The following MICU1 variants were observed in gnomAD, a reference collection of about 807,000 sequenced individuals.
MICU1 encodes the protein mitochondrial calcium uptake 1, also known as calcium uptake protein 1, mitochondrial.
Under a neutral mutation model 56.8 loss-of-function variants are expected in MICU1, and 45 were observed. The ratio of observed to expected loss-of-function variants is 0.79; its 90% CI spans 0.62 to 1.02. MICU1 has a LOEUF of 1.02. Ranked by LOEUF, MICU1 falls within the 50% of genes least tolerant of loss-of-function variation. MICU1 has a pLI of 0.00. For synonymous variants in MICU1, 186 were observed against 195.1 expected (o/e 0.95, Z 0.39); for missense variants, 504 against 587.1 (o/e 0.86, Z 1.46).
chr10:72,402,025 T>C (rs1446433686), intron 10 of MICU1, among the ~76,000 whole-genome samples: 1 of 152,162 alleles, frequency 6.6e-6, no homozygotes, highest in South Asian at 2.1e-4. Flanking sequence ...GATTGTTCTA[T>C]ATCTTCCCCA....
chr10:72,513,532 C>T (rs1264437847), intron 5 of MICU1, among the ~76,000 whole-genome samples: 2 of 152,230 alleles, frequency 1.3e-5, no homozygotes, highest in East Asian at 1.9e-4. Context: ...TGATAATGTC[C>T]TATGAAGCAG....
intron 3 of MICU1, among the ~76,000 whole-genome samples, chr10:72,557,440 T>C (rs1840186303): frequency 6.6e-6 from 1 of 152,112 alleles, no homozygotes; most frequent in African/African-American, 2.4e-5. Flanking sequence ...ACTAGCAATC[T>C]CCACCACAGT....
intron 5 of MICU1, among the ~76,000 whole-genome samples, chr10:72,515,737 T>C (rs963749769): frequency 6.6e-6 from 1 of 152,236 alleles, no homozygotes; most frequent in Admixed American, 6.5e-5. Flanking sequence ...TGTTACTTTT[T>C]TAAGGAAAAT....
intron 6 of MICU1, among the ~76,000 whole-genome samples, chr10:72,480,919 G>A (rs73280945): frequency 0.037 from 5,593 of 152,286 alleles, 357 homozygotes; most frequent in African/African-American, 0.13. Context: ...AGTATACCCT[G>A]TAATGCTTGA....
At chr10:72,417,437 G>A (rs1319258670) in intron 9 of MICU1, among the ~76,000 whole-genome samples, 1 of 141,258 alleles carries the variant, frequency 7.1e-6, no homozygotes, top group African/African-American at 2.7e-5. Context: ...CTAGACAACA[G>A]AGCAAGACTC....
intron 11 of MICU1, among the ~76,000 whole-genome samples, chr10:72,373,913 C>A (rs1862429989): frequency 6.6e-6 from 1 of 152,186 alleles, no homozygotes; most frequent in Non-Finnish European, 1.5e-5. Context: ...TATATTTGTG[C>A]TATTCAATAC....
intron 10 of MICU1, among the ~76,000 whole-genome samples, chr10:72,407,243 T>C (rs1234890930): frequency 1.3e-5 from 2 of 152,190 alleles, no homozygotes; most frequent in African/African-American, 4.8e-5. Context: ...ACTTTGAACA[T>C]GTCAAATAAG....
chr10:72,482,780 C>T (rs1029936078), intron 6 of MICU1, among the ~76,000 whole-genome samples: 3 of 151,084 alleles, frequency 2.0e-5, no homozygotes, highest in African/African-American at 7.3e-5. Flanking sequence ...TAATAGCCCT[C>T]GTCTGGGGGG....
intron 6 of MICU1, 128 bp downstream of exon 6, chr10:72,508,027 T>C: frequency 2.1e-6 from 1 of 486,004 alleles, no homozygotes; most frequent in Non-Finnish European, 3.4e-6. Context: ...AATGAAATTT[T>C]ATGTAACTTA....
intron 2 of MICU1, 55 bp downstream of exon 2, chr10:72,566,578 G>A: frequency 6.5e-7 from 1 of 1,534,270 alleles, no homozygotes; most frequent in Non-Finnish European, 8.8e-7. Context: ...TGACAACAGA[G>A]ATGACTGGAA....
At chr10:72,623,512 C>A (rs990441329) in intron 1 of MICU1, among the ~76,000 whole-genome samples, 3 of 151,936 alleles carry the variant, frequency 2.0e-5, no homozygotes, top group Non-Finnish European at 4.4e-5. Context: ...GAGGCCAAGG[C>A]GGGAGGATCG....
chr10:72,400,780 T>C (rs1421516768), intron 10 of MICU1, among the ~76,000 whole-genome samples: 5 of 152,056 alleles, frequency 3.3e-5, no homozygotes, highest in African/African-American at 1.2e-4. Flanking sequence ...AAATCTTATA[T>C]CTTTGGATTT....
chr10:72,559,702 T>G (rs969606912), intron 3 of MICU1, among the ~76,000 whole-genome samples: 4 of 151,718 alleles, frequency 2.6e-5, no homozygotes, highest in African/African-American at 9.7e-5. Flanking sequence ...AAGAAAAAAG[T>G]TAAAGGAAAA....
intron 1 of MICU1, among the ~76,000 whole-genome samples, chr10:72,623,719 G>A (rs1438019246): frequency 6.6e-6 from 1 of 151,976 alleles, no homozygotes; most frequent in Non-Finnish European, 1.5e-5. Context: ...CGCGCCTGTA[G>A]TTCCAGCTAC....
intron 6 of MICU1, among the ~76,000 whole-genome samples, chr10:72,489,328 AT>A (rs1304870230): frequency 1.2e-3 from 172 of 142,374 alleles, no homozygotes; most frequent in African/African-American, 4.7e-3. Context: ...ACACACAAAA[AT>A]AAAAAAAAAA....
intron 9 of MICU1, among the ~76,000 whole-genome samples, chr10:72,411,428 C>T (rs980994118): frequency 2.0e-5 from 3 of 151,710 alleles, no homozygotes; most frequent in Admixed American, 6.6e-5. Flanking sequence ...CCCGGGTTCA[C>T]GCCATTCTCC....
intron 3 of MICU1, among the ~76,000 whole-genome samples, chr10:72,555,729 G>A (rs1403361449): frequency 6.6e-6 from 1 of 152,186 alleles, no homozygotes; most frequent in Non-Finnish European, 1.5e-5. Flanking sequence ...TAGATGAGAT[G>A]AGCAACTGAT....
At chr10:72,570,511 T>C (rs1001418947) in intron 1 of MICU1, among the ~76,000 whole-genome samples, 3 of 152,198 alleles carry the variant, frequency 2.0e-5, no homozygotes, top group African/African-American at 7.2e-5. Context: ...TGTCTTCTAT[T>C]ATTTGGATTC....
intron 8 of MICU1, among the ~76,000 whole-genome samples, chr10:72,456,045 ACT>A (rs1218165244): frequency 6.6e-6 from 1 of 152,112 alleles, no homozygotes; most frequent in Admixed American, 6.5e-5. Context: ...TGAGGTTGCA[ACT>A]CTCTATTCAC....
Sources: gnomAD v4.1 joint callset for allele counts (sites outside exome capture counted in the v4.1 genomes callset) on GRCh38, gnomAD v4.1.1 for gene constraint, MANE v1.5 for transcripts, NCBI Gene and HGNC (gene_info 2026-07-23, HGNC 2026-07-21) for gene names.